The following PPP2R5C variants were observed in gnomAD, a reference collection of about 807,000 sequenced individuals.
PPP2R5C encodes protein phosphatase 2 regulatory subunit B'gamma.
A neutral mutation model predicts 68.9 loss-of-function variants in PPP2R5C; 7 were observed. The ratio of observed to expected loss-of-function variants is 0.10; its 90% CI spans 0.06 to 0.19. PPP2R5C has a LOEUF of 0.19. PPP2R5C is among the 10% of genes least tolerant of loss of function. The pLI is 1.00. For synonymous variants in PPP2R5C, 210 were observed against 222.2 expected (o/e 0.95, Z 0.49); for missense variants, 348 against 641.3 (o/e 0.54, Z 4.94).
chr14:101,762,756 C>T (rs773669130), intron 1 of PPP2R5C, 149 bp from the exon 2 acceptor site: 6 of 677,392 alleles, frequency 8.9e-6, no homozygotes, highest in Non-Finnish European at 1.5e-5. Context: ...GAATCCTAAA[C>T]GGTATGATAT....
intron 1 of PPP2R5C, chr14:101,820,210 G>A (rs950441165): frequency 2.6e-5 from 4 of 152,156 alleles, no homozygotes; most frequent in Admixed American, 6.5e-5. Flanking sequence ...AAACAACTGC[G>A]ACACTGTTTT....
chr14:101,771,852 AGG>A (rs1175799657), intron 2 of PPP2R5C, among the ~76,000 whole-genome samples: 1 of 152,174 alleles, frequency 6.6e-6, no homozygotes, highest in East Asian at 1.9e-4. Context: ...GGGGCTCTGA[AGG>A]GGTTAGACCT....
chr14:101,896,166 C>T (rs1240204850), intron 8 of PPP2R5C, among the ~76,000 whole-genome samples: 1 of 151,886 alleles, frequency 6.6e-6, no homozygotes, highest in Non-Finnish European at 1.5e-5. Flanking sequence ...ATTACAGGTG[C>T]CTGCCACCAT....
At chr14:101,927,497 A>C (rs1219987903) in exon 14 of PPP2R5C, 1 of 152,624 alleles carries the variant, frequency 6.6e-6, no homozygotes, top group African/African-American at 2.4e-5. Flanking sequence ...ATTGAAAATA[A>C]ACCGGTGACT....
At chr14:101,842,488 C>T (rs549293136) in intron 1 of PPP2R5C, among the ~76,000 whole-genome samples, 38 of 152,288 alleles carry the variant, frequency 2.5e-4, no homozygotes, top group Non-Finnish European at 2.4e-4. Flanking sequence ...CGGCCCCAAC[C>T]GGGGTGCTCT....
At chr14:101,918,326 G>C (rs1303104079) in intron 13 of PPP2R5C, among the ~76,000 whole-genome samples, 1 of 148,936 alleles carries the variant, frequency 6.7e-6, no homozygotes, top group African/African-American at 2.5e-5. Context: ...GCTCTTCACA[G>C]CGGGTGCTAA....
At chr14:101,850,247 G>T (rs2042077856) in intron 1 of PPP2R5C, among the ~76,000 whole-genome samples, 1 of 152,200 alleles carries the variant, frequency 6.6e-6, no homozygotes, top group Non-Finnish European at 1.5e-5. Context: ...ACAATGTGGG[G>T]ACTTGCAGAT....
intron 1 of PPP2R5C, among the ~76,000 whole-genome samples, 158 bp from the exon 4 acceptor site, chr14:101,856,528 T>C (rs916013532): frequency 6.6e-6 from 1 of 151,692 alleles, no homozygotes; most frequent in African/African-American, 2.4e-5. Context: ...GTTTTTTCGT[T>C]TTATTTTCTT....
At chr14:101,770,241 A>G (rs761815151) in intron 2 of PPP2R5C, among the ~76,000 whole-genome samples, 1 of 152,206 alleles carries the variant, frequency 6.6e-6, no homozygotes, top group African/African-American at 2.4e-5. Context: ...GCATAGCTAC[A>G]TATATATTTA....
chr14:101,912,365 C>T, intron 11 of PPP2R5C, 36 bp from the exon 14 acceptor site: 2 of 1,528,918 alleles, frequency 1.3e-6, no homozygotes, highest in Non-Finnish European at 1.8e-6. Flanking sequence ...GTGTCTGATG[C>T]ATCTCTAACA....
At chr14:101,890,989 T>G (rs534138219) in intron 6 of PPP2R5C, among the ~76,000 whole-genome samples, 1 of 152,112 alleles carries the variant, frequency 6.6e-6, no homozygotes, top group South Asian at 2.1e-4. Flanking sequence ...CCCAGGCTGG[T>G]CTCGAACTGC....
chr14:101,889,464 T>C (rs1404098090), intron 5 of PPP2R5C, among the ~76,000 whole-genome samples: 3 of 152,234 alleles, frequency 2.0e-5, no homozygotes, highest in Non-Finnish European at 2.9e-5. Context: ...AGACGTGTTT[T>C]CAGCATCAAA....
At chr14:101,872,004 A>G (rs1312637307) in intron 2 of PPP2R5C, among the ~76,000 whole-genome samples, 1 of 151,958 alleles carries the variant, frequency 6.6e-6, no homozygotes, top group Non-Finnish European at 1.5e-5. Flanking sequence ...TTTTTTTATT[A>G]TACTTTAAGT....
At chr14:101,761,624 C>CG (rs1336409637), upstream of PPP2R5C, among the ~76,000 whole-genome samples, 1,494 of 5,380 alleles carry the variant, frequency 0.28, 65 homozygotes, top group African/African-American at 0.42. Context: ...GGCGGCCGGC[C>CG]GGGGGGTGGG....
intron 2 of PPP2R5C, among the ~76,000 whole-genome samples, chr14:101,861,193 A>G (rs1286410644): frequency 6.6e-6 from 1 of 152,206 alleles, no homozygotes; most frequent in Non-Finnish European, 1.5e-5. Context: ...TAGGGGTTGC[A>G]CCCTTTCAAA....
At chr14:101,898,957 C>T (rs902113872) in intron 8 of PPP2R5C, among the ~76,000 whole-genome samples, 6 of 152,104 alleles carry the variant, frequency 3.9e-5, no homozygotes, top group African/African-American at 2.4e-5. Flanking sequence ...ACCTGGTGTC[C>T]ACGTCCATCT....
intron 6 of PPP2R5C, among the ~76,000 whole-genome samples, chr14:101,892,393 GT>G (rs112962886): frequency 0.26 from 34,746 of 134,882 alleles, 5,864 homozygotes; most frequent in African/African-American, 0.49. Flanking sequence ...TGGGTGGGGG[GT>G]GGGGGGGGTC....
In PPP2R5C at chr14:101,781,665, C is replaced by T. The variant is rs1188074701; in HGVS notation, c.94-4353C>T. On this transcript the variant is annotated intron_variant, in intron 2 of 14. Coordinates refer to the PPP2R5C transcript ENST00000328724. This position sits in a 1 kb window ranked among gnomAD's most constrained non-coding sequence, Gnocchi z 6.4. Reference sequence around the variant, plus strand: ...CGGCATGGGCCCCAGGCCGGGGTCCCGCCTTTGCCCCGGCCTCCGCTGCCT... The same window carrying T: ...CGGCATGGGCCCCAGGCCGGGGTCCTGCCTTTGCCCCGGCCTCCGCTGCCT... Among the ~76,000 whole-genome samples the T allele has an allele frequency of 6.6e-6, 1 of 152,152 alleles. No individual in the cohort carries two copies. Among genetic ancestry groups the T allele is most frequent in the African/African-American group, 2.4e-5 (1 of 41,424 alleles).
At chr14:101,775,244 G>A (rs1249924678) in intron 2 of PPP2R5C, among the ~76,000 whole-genome samples, 2 of 152,196 alleles carry the variant, frequency 1.3e-5, no homozygotes, top group Non-Finnish European at 2.9e-5. Context: ...ATCTAGTTGT[G>A]AATTTTGAGA....
Sources: gnomAD v4.1 joint callset for allele counts (sites outside exome capture counted in the v4.1 genomes callset) on GRCh38, gnomAD v4.1.1 for gene constraint, Gnocchi (gnomAD v3.1) non-coding constraint, MANE v1.5 for transcripts, NCBI Gene and HGNC (gene_info 2026-07-23, HGNC 2026-07-21) for gene names.